The following TEAD4 variants were observed in gnomAD, a reference collection of about 807,000 sequenced individuals.
TEAD4 encodes TEA domain transcription factor 4.
TEAD4 carries 36 observed loss-of-function variants against 52.4 expected under a neutral mutation model. The ratio of observed to expected loss-of-function variants is 0.69; its 90% confidence interval spans 0.53 to 0.91. The LOEUF is 0.91. Ranked by LOEUF, TEAD4 falls within the 40% of genes least tolerant of loss-of-function variation. The pLI is 0.00. For missense variants in TEAD4, 508 were observed against 583.9 expected (o/e 0.87, Z 1.34); for synonymous variants, 220 against 231.0 (o/e 0.95, Z 0.43).
At chr12:3,029,231 C>T (rs531317798) in intron 10 of TEAD4, among the ~76,000 whole-genome samples, 11 of 87,860 alleles carry the variant, frequency 1.3e-4, no homozygotes, top group Middle Eastern at 6.0e-3. Context: ...TACGCCTGGC[C>T]AATTTTTTTT....
chr12:3,015,310 C>A (rs761573229), intron 5 of TEAD4, among the ~76,000 whole-genome samples: 2 of 152,224 alleles, frequency 1.3e-5, no homozygotes, highest in Non-Finnish European at 2.9e-5. Flanking sequence ...ACTCTCAGCA[C>A]CCTAGTCACC....
At position 3,034,831 on chromosome 12, in the gene TEAD4, C is replaced by T. The variant is rs758258884; in HGVS notation, c.898-3137C>T. 7.9e-5 allele frequency among the ~76,000 whole-genome samples: 12 copies of T among 152,170 alleles called. No homozygotes were observed. The East Asian group carries it at 1.5e-3, about 20-fold the overall frequency. On this transcript the variant is annotated intron_variant, in intron 10 of 12. Transcript: ENST00000359864. ...GTTATAGGCCAGACGCGGTGGCTCA[C>T]GCCTATAATCCCAACACTTTGGGAG...
chr12:2,971,536 T>TG (rs2098225005), intron 2 of TEAD4, among the ~76,000 whole-genome samples: 1 of 151,418 alleles, frequency 6.6e-6, no homozygotes, highest in South Asian at 2.1e-4. Context: ...AGTGCTGTGG[T>TG]GCGATCTCGG....
In TEAD4 at chr12:3,017,694, C is replaced by T. The variant is rs2302280; in HGVS notation, c.483+168C>T. Reference sequence around the variant, plus strand: ...AAGGACCCAAGGGCCACACACATCCCGGCTTGGCTGGTATTGGGACGGCTT... The same window carrying T: ...AAGGACCCAAGGGCCACACACATCCTGGCTTGGCTGGTATTGGGACGGCTT... On this transcript the variant is annotated intron_variant, in intron 6 of 12. Transcript: ENST00000359864. 8.1e-4 allele frequency among the ~76,000 whole-genome samples: 124 copies of T among 152,326 alleles called. No individual in the cohort carries two copies. In the East Asian group the frequency reaches 0.015, roughly 19 times the overall value.
At chr12:2,974,412 A>G (rs1019518474) in intron 2 of TEAD4, among the ~76,000 whole-genome samples, 1 of 152,226 alleles carries the variant, frequency 6.6e-6, no homozygotes, top group Non-Finnish European at 1.5e-5. Context: ...GACCAAGGCC[A>G]GGATGGATGC....
intron 2 of TEAD4, among the ~76,000 whole-genome samples, chr12:2,976,362 C>CT (rs1437893459): frequency 2.6e-5 from 4 of 151,940 alleles, no homozygotes; most frequent in Non-Finnish European, 5.9e-5. Flanking sequence ...CTGCCCCCTC[C>CT]CAACCTTTTG....
chr12:3,005,857 T>C (rs1405024278), intron 3 of TEAD4, among the ~76,000 whole-genome samples: 1 of 152,092 alleles, frequency 6.6e-6, no homozygotes, highest in East Asian at 1.9e-4. Flanking sequence ...AGGCTGATCT[T>C]GAATTCCTGG....
At chr12:3,029,646 G>T (rs984444574) in intron 10 of TEAD4, among the ~76,000 whole-genome samples, 1 of 152,118 alleles carries the variant, frequency 6.6e-6, no homozygotes, top group African/African-American at 2.4e-5. Context: ...CTTCCAAAGT[G>T]CTGGGATTAC....
In TEAD4 at chr12:2,974,288, C is replaced by A. The variant is rs367972267; in HGVS notation, c.-30+14248C>A. On this transcript the variant is annotated intron_variant, in intron 2 of 12. Coordinates refer to ENST00000359864, the MANE Select transcript of TEAD4 (RefSeq NM_003213.4). Reference sequence around the variant, plus strand: ...AAAGTGCTGGGATTACAGGCGTAAGCCACCGTGCCCGGCCAGCTTTGAGCT... The same window carrying A: ...AAAGTGCTGGGATTACAGGCGTAAGACACCGTGCCCGGCCAGCTTTGAGCT... Among the ~76,000 whole-genome samples, 14 of 152,338 alleles carry A rather than the reference C, an allele frequency of 9.2e-5. No homozygotes were observed. In the East Asian group the frequency reaches 2.1e-3, roughly 23 times the overall value.
At chr12:2,965,175 A>AT (rs1390650933) in intron 2 of TEAD4, among the ~76,000 whole-genome samples, 1 of 151,828 alleles carries the variant, frequency 6.6e-6, no homozygotes, top group Non-Finnish European at 1.5e-5. Flanking sequence ...ATGATTTTTT[A>AT]TTTTTTGAGA....
rs568752895 is a variant in TEAD4, at chr12:3,034,459, C to T, written c.898-3509C>T. On this transcript the variant is annotated intron_variant, in intron 10 of 12. Transcript: ENST00000359864. ...CATCGTATCTGGAAGGGGGCAAGGA[C>T]ATCTGGACAGATTATGACAAGCAGG... Among the ~76,000 whole-genome samples, 5 of 152,222 alleles carry T rather than the reference C, an allele frequency of 3.3e-5. No homozygotes were observed. In the South Asian group the frequency reaches 6.2e-4, roughly 19 times the overall value.
In TEAD4 at chr12:3,012,222, C is replaced by G. The variant is rs941912696; in HGVS notation, c.344C>G (p.Ala115Gly). ...CGTCGCAAAGCTCGCGAGATCCAGG[C>G]CAAGCTAAAGGTAAGGAAACTGCAG... The change falls in exon 5 of 13, where the codon GCC becomes GGC. Residue 115 changes from alanine to glycine, a missense_variant. Transcript: ENST00000359864. 3 of 1,613,926 alleles carry G rather than the reference C, an allele frequency of 1.9e-6. No homozygotes were observed. Among genetic ancestry groups the G allele is most frequent in the Admixed American group, 1.7e-5 (1 of 59,998 alleles).
chr12:2,975,457 C>T (rs571796423), intron 2 of TEAD4, among the ~76,000 whole-genome samples: 5 of 151,246 alleles, frequency 3.3e-5, no homozygotes, highest in African/African-American at 9.7e-5. Context: ...GGTGTGATCT[C>T]GGCTCATGGC....
intron 10 of TEAD4, among the ~76,000 whole-genome samples, chr12:3,036,756 G>C (rs1436996212): frequency 6.6e-6 from 1 of 152,094 alleles, no homozygotes; most frequent in Non-Finnish European, 1.5e-5. Flanking sequence ...ATTTGATGTG[G>C]GGCTGGAGTT....
intron 10 of TEAD4, among the ~76,000 whole-genome samples, chr12:3,022,745 A>G (rs1272080986): frequency 6.6e-6 from 1 of 152,132 alleles, no homozygotes; most frequent in East Asian, 1.9e-4. Flanking sequence ...GAGTCAGACA[A>G]GTAAGTGCTA....
chr12:2,969,294 A>G (rs537918230), intron 2 of TEAD4, among the ~76,000 whole-genome samples: 33 of 152,310 alleles, frequency 2.2e-4, no homozygotes, highest in African/African-American at 7.2e-4. Flanking sequence ...TAGGTATGAT[A>G]AGTTCTCTAG....
At chr12:2,993,047 G>A (rs1453275944) in intron 2 of TEAD4, among the ~76,000 whole-genome samples, 1 of 152,190 alleles carries the variant, frequency 6.6e-6, no homozygotes, top group African/African-American at 2.4e-5. Context: ...CCTGAGTTGG[G>A]AAGGGAACAG....
intron 2 of TEAD4, among the ~76,000 whole-genome samples, chr12:2,979,123 C>T (rs2098232188): frequency 6.6e-6 from 1 of 152,120 alleles, no homozygotes; most frequent in Non-Finnish European, 1.5e-5. Context: ...ACATTGTTGG[C>T]CAGGCTGGTC....
chr12:3,031,423 G>A lies in TEAD4; in HGVS notation c.898-6545G>A, dbSNP rs188320357. 9.2e-5 allele frequency among the ~76,000 whole-genome samples: 14 copies of A among 152,302 alleles called. No homozygotes were observed. The East Asian group carries it at 2.3e-3, about 25-fold the overall frequency. ...CCTTGGAGCGGGAGGTGGCATGTCC[G>A]GGACCCTCTTGCACTAGCTCCTGCC... On this transcript the variant is annotated intron_variant, in intron 10 of 12. Coordinates refer to ENST00000359864, the MANE Select transcript of TEAD4 (RefSeq NM_003213.4).
Sources: gnomAD v4.1 joint callset for allele counts (sites outside exome capture counted in the v4.1 genomes callset) on GRCh38, gnomAD v4.1.1 for gene constraint, MANE v1.5 for transcripts, NCBI Gene and HGNC (gene_info 2026-07-23, HGNC 2026-07-21) for gene names.